The following COL19A1 variants were observed in gnomAD, a reference collection of about 807,000 sequenced individuals.
The protein encoded by COL19A1 is collagen type XIX alpha 1 chain.
A neutral mutation model predicts 190.2 loss-of-function variants in COL19A1; 159 were observed. The observed-to-expected ratio is 0.84, with a 90% CI of 0.73 to 0.95. The LOEUF (loss-of-function observed/expected upper bound fraction) is 0.95. Among genes scored for constraint, COL19A1 ranks in the 40% least tolerant of loss-of-function variants. COL19A1 has a pLI of 0.00. For missense variants in COL19A1, 1,418 were observed against 1,431.9 expected, an observed-to-expected ratio of 0.99 and a Z score of 0.16; for synonymous variants, 509 against 458.9, an observed-to-expected ratio of 1.11 and a Z score of -1.39.
intron 34 of COL19A1, 116 bp downstream of exon 34, chr6:70,156,839 C>T: frequency 1.6e-6 from 1 of 641,714 alleles, no homozygotes; most frequent in East Asian, 2.9e-5. Flanking sequence ...CCAATAAAAA[C>T]AAAGACCACT....
At chr6:70,115,796 G>GT (rs71813716) in intron 16 of COL19A1, among the ~76,000 whole-genome samples, 12,355 of 92,080 alleles carry the variant, frequency 0.13, 581 homozygotes, top group African/African-American at 0.16. Context: ...AGCAGTTGTT[G>GT]TTTTTTTTGT....
chr6:70,149,776 C>G (rs770035152), intron 28 of COL19A1, 37 bp downstream of exon 28: 1 of 1,613,488 alleles, frequency 6.2e-7, no homozygotes, highest in Non-Finnish European at 8.5e-7. Context: ...ACAGCAAAGC[C>G]AGCTTGCTTA....
chr6:69,911,626 T>C (rs1158318767), intron 4 of COL19A1, among the ~76,000 whole-genome samples: 3 of 152,236 alleles, frequency 2.0e-5, no homozygotes, highest in Admixed American at 1.3e-4. Flanking sequence ...ATTTTTCTTA[T>C]TTGAACAATC....
rs143153733 is a variant in COL19A1 at position 69,932,839 on chromosome 6, A to G, written c.723A>G (p.Thr241=). The change falls in exon 7 of 51, where the codon ACA becomes ACG. Residue 241 remains threonine, a synonymous_variant. Transcript: ENST00000620364. Reference sequence around the variant, plus strand: ...GTGCAAACCTCATAGCTCAAGAAACATGTTGTGAAATATCAGATACTAAGG... The same window carrying G: ...GTGCAAACCTCATAGCTCAAGAAACGTGTTGTGAAATATCAGATACTAAGG... ...YCSANLIAQE[T]CCEISDTKCP... 2 of 1,607,248 alleles carry G rather than the reference A, an allele frequency of 1.2e-6. No homozygotes were observed. Among genetic ancestry groups the G allele is most frequent in the African/African-American group, 1.3e-5 (1 of 74,694 alleles).
At chr6:69,959,284 G>A (rs1278157506) in intron 9 of COL19A1, among the ~76,000 whole-genome samples, 1 of 151,968 alleles carries the variant, frequency 6.6e-6, no homozygotes, top group Non-Finnish European at 1.5e-5. Flanking sequence ...ATATTAAATG[G>A]CATTGGGTAT....
intron 11 of COL19A1, among the ~76,000 whole-genome samples, chr6:70,006,031 C>G (rs768754108): frequency 5.9e-5 from 9 of 152,052 alleles, no homozygotes; most frequent in Non-Finnish European, 1.2e-4. Context: ...CTGAAAAGCC[C>G]TTGAAAAGGG....
In COL19A1 at chr6:70,190,175, T is replaced by C; in HGVS notation, c.3028-140T>C. The C allele has an allele frequency of 4.6e-6, 3 of 658,554 alleles. No homozygotes were observed. In the South Asian group the frequency reaches 5.3e-5, roughly 12 times the overall value. 40.8% of individuals were successfully genotyped at this position (658,554 alleles called of 1,614,324 possible). A position where few individuals can be genotyped will look rare whatever the true frequency, so the allele number is the denominator to read the frequency against. ...AAAGCAACAGATATTTATTGCCCAA[T>C]ATAATCAATTGCCAAAAGCATTTTT... On this transcript the variant is annotated intron_variant, in intron 47 of 50. Transcript: ENST00000620364.
chr6:70,132,661 C>A (rs1003164989), intron 18 of COL19A1, among the ~76,000 whole-genome samples: 9 of 152,252 alleles, frequency 5.9e-5, no homozygotes, highest in Non-Finnish European at 1.2e-4. Context: ...AAAGCTTTGA[C>A]AAAATACCCA....
intron 2 of COL19A1, among the ~76,000 whole-genome samples, chr6:69,882,542 ATCTGT>A (rs1768633019): frequency 6.6e-6 from 1 of 152,186 alleles, no homozygotes; most frequent in Non-Finnish European, 1.5e-5. Context: ...ACTTTCTTTA[ATCTGT>A]TCTAAGGCAA....
chr6:69,942,746 G>T (rs1260344026), intron 9 of COL19A1, among the ~76,000 whole-genome samples: 1 of 147,476 alleles, frequency 6.8e-6, no homozygotes, highest in Non-Finnish European at 1.5e-5. Context: ...GTGTATGTGT[G>T]TGTGTGTGTG....
At chr6:69,921,336 CTATA>C (rs946840053) in intron 4 of COL19A1, among the ~76,000 whole-genome samples, 10 of 103,718 alleles carry the variant, frequency 9.6e-5, no homozygotes, top group Non-Finnish European at 1.8e-4. Flanking sequence ...TATCATATAT[CTATA>C]TATATCATAT....
At chr6:70,017,761 A>G (rs1318981032) in intron 11 of COL19A1, among the ~76,000 whole-genome samples, 1 of 152,124 alleles carries the variant, frequency 6.6e-6, no homozygotes, top group African/African-American at 2.4e-5. Flanking sequence ...AAGTATTTCT[A>G]GGAGGGGGCT....
intron 14 of COL19A1, among the ~76,000 whole-genome samples, chr6:70,055,795 A>AT (rs1780467423): frequency 6.6e-6 from 1 of 151,350 alleles, no homozygotes; most frequent in East Asian, 1.9e-4. Flanking sequence ...AAAAAAAAAA[A>AT]AAAAAAAAAA....
chr6:70,068,339 A>AATAATTATTAATTTTCACAAC (rs1411050693), intron 14 of COL19A1, 84 bp from the exon 15 acceptor site: 1 of 940,498 alleles, frequency 1.1e-6, no homozygotes, highest in Non-Finnish European at 1.8e-6. Context: ...TAATCAACAA[A>AATAATTATTAATTTTCACAAC]ATAATTATTA....
intron 16 of COL19A1, among the ~76,000 whole-genome samples, chr6:70,116,708 A>T (rs552126465): frequency 6.6e-6 from 1 of 152,140 alleles, no homozygotes; most frequent in African/African-American, 2.4e-5. Context: ...TTTACAAGCC[A>T]TTAGAACACT....
At chr6:70,072,995 AT>A (rs1781650111) in intron 15 of COL19A1, among the ~76,000 whole-genome samples, 1 of 132,056 alleles carries the variant, frequency 7.6e-6, no homozygotes, top group African/African-American at 2.7e-5. Flanking sequence ...TTATTTATTT[AT>A]TTATTATTGA....
intron 1 of COL19A1, among the ~76,000 whole-genome samples, chr6:69,873,129 A>G (rs1393240091): frequency 2.0e-5 from 3 of 151,992 alleles, no homozygotes; most frequent in Non-Finnish European, 2.9e-5. Flanking sequence ...ACACCCCACT[A>G]TAGTCTTGCT....
At chr6:69,944,570 T>C (rs1240851194) in intron 9 of COL19A1, among the ~76,000 whole-genome samples, 1 of 152,128 alleles carries the variant, frequency 6.6e-6, no homozygotes, top group African/African-American at 2.4e-5. Flanking sequence ...CAAAAATTCT[T>C]TTCACATTGA....
intron 31 of COL19A1, among the ~76,000 whole-genome samples, chr6:70,154,386 CT>C (rs1425501648): frequency 2.0e-5 from 3 of 152,018 alleles, no homozygotes; most frequent in African/African-American, 7.3e-5. Flanking sequence ...GGTTCCAAGT[CT>C]TTGCTGTTGT....
Sources: allele counts gnomAD v4.1 joint callset (sites outside exome capture counted in the v4.1 genomes callset), GRCh38; gene constraint gnomAD v4.1.1; transcripts MANE v1.5; gene names NCBI Gene and HGNC (gene_info 2026-07-23, HGNC 2026-07-21).